The following SOX6 variants were observed in gnomAD, a reference collection of about 807,000 sequenced individuals.
SOX6 encodes the protein SRY-box transcription factor 6.
SOX6 carries 11 observed loss-of-function variants against 97.8 expected under a neutral mutation model. The ratio of observed to expected loss-of-function variants is 0.11; its 90% CI spans 0.07 to 0.19. The LOEUF is 0.19. Among genes scored for constraint, SOX6 ranks in the 10% least tolerant of loss-of-function variants. The pLI is 1.00. For missense variants in SOX6, 810 were observed against 1,039.5 expected (o/e 0.78, Z 3.04); for synonymous variants, 360 against 371.4 (o/e 0.97, Z 0.35).
chr11:16,685,715 G>C lies in SOX6; in HGVS notation n.429+29115C>G, dbSNP rs147906267. 4.1e-3 allele frequency among the ~76,000 whole-genome samples: 619 copies of C among 152,382 alleles called. 3 individuals are homozygous for C. The highest frequency in any genetic ancestry group is 5.6e-3 in the Admixed American group (85 of 15,310). ...AGCTGTCAGTGGATCTGTCATTCTT[G>C]GGTCTGCAGAATAGTGGCCTCACAG... On this transcript the variant is annotated intron_variant and non_coding_transcript_variant, in intron 3 of 5. Coordinates refer to the SOX6 transcript ENST00000524520.
At chr11:16,009,745 A>T (rs553253524) in intron 13 of SOX6, among the ~76,000 whole-genome samples, 1 of 152,162 alleles carries the variant, frequency 6.6e-6, no homozygotes, top group South Asian at 2.1e-4. Flanking sequence ...AAGAGTTGCA[A>T]TGTGAAGCAC....
At chr11:16,123,561 G>A (rs1020482291) in intron 6 of SOX6, among the ~76,000 whole-genome samples, 1 of 151,914 alleles carries the variant, frequency 6.6e-6, no homozygotes, top group Non-Finnish European at 1.5e-5. Flanking sequence ...TAGTCTTCAG[G>A]TTTTCAATCT....
intron 1 of SOX6, among the ~76,000 whole-genome samples, chr11:16,449,942 T>C (rs1442285439): frequency 6.6e-6 from 1 of 152,194 alleles, no homozygotes; most frequent in Non-Finnish European, 1.5e-5. Context: ...CTAAATACTA[T>C]AGCACTATCA....
intron 12 of SOX6, 112 bp from the exon 13 acceptor site, chr11:16,015,162 GACC>G: frequency 1.2e-6 from 1 of 862,670 alleles, no homozygotes; most frequent in Non-Finnish European, 1.9e-6. Flanking sequence ...TATCATTTCT[GACC>G]AATGTGGACT....
intron 3 of SOX6, among the ~76,000 whole-genome samples, chr11:16,693,668 G>T (rs1047194742): frequency 9.9e-5 from 15 of 151,984 alleles, no homozygotes; most frequent in Admixed American, 8.5e-4. Context: ...CATAATAAAA[G>T]TTAACTTTAT....
At chr11:16,628,434 G>A (rs1848655952) in intron 3 of SOX6, among the ~76,000 whole-genome samples, 1 of 152,024 alleles carries the variant, frequency 6.6e-6, no homozygotes, top group African/African-American at 2.4e-5. Context: ...GACCAGCCTG[G>A]CCAATATGGT....
chr11:16,572,513 CTG>C (rs1316820285), intron 4 of SOX6, among the ~76,000 whole-genome samples: 3 of 152,272 alleles, frequency 2.0e-5, no homozygotes, highest in Non-Finnish European at 4.4e-5. Context: ...AAAGACAACA[CTG>C]TAATTTGATT....
chr11:16,576,503 ATGT>A (rs1284397666), intron 4 of SOX6, among the ~76,000 whole-genome samples: 1 of 152,208 alleles, frequency 6.6e-6, no homozygotes, highest in Non-Finnish European at 1.5e-5. Flanking sequence ...TCATAAAATA[ATGT>A]TGTCATTGTA....
At chr11:16,715,639 A>C (rs1247807048) in intron 2 of SOX6, among the ~76,000 whole-genome samples, 1 of 152,118 alleles carries the variant, frequency 6.6e-6, no homozygotes, top group Non-Finnish European at 1.5e-5. Context: ...GGAATAGATA[A>C]TAAACATTAA....
intron 2 of SOX6, among the ~76,000 whole-genome samples, chr11:16,730,046 A>C (rs1407437832): frequency 1.3e-5 from 2 of 149,498 alleles, no homozygotes; most frequent in African/African-American, 2.4e-5. Flanking sequence ...ATATATATAT[A>C]TATCCTAAAT....
Position 15,972,767 on chromosome 11 carries a change from G to A in SOX6, c.*42C>T. ...TTAATAACTCTTTGTTGGGGAGGGG[G>A]GTGAAATGTCAGAGTACTTTAATTC... On this transcript the variant is annotated 3_prime_UTR_variant, in exon 16 of 16. Transcript: ENST00000683767. 2 of 1,603,916 alleles carry A rather than the reference G, an allele frequency of 1.2e-6. No individual in the cohort carries two copies. The highest frequency in any genetic ancestry group is 1.7e-6 in the Non-Finnish European group (2 of 1,171,034).
intron 9 of SOX6, among the ~76,000 whole-genome samples, chr11:16,058,620 T>C (rs998309283): frequency 6.6e-6 from 1 of 152,046 alleles, no homozygotes; most frequent in African/African-American, 2.4e-5. Flanking sequence ...CTTGGAGAGA[T>C]GTCTTCAAAT....
rs147950925 is a variant in SOX6 at position 16,398,433 on chromosome 11, C to T, written c.-4-57181G>A. ...ATGTGAATAAGCAAGTCCTATTCATCGTACCGGGTGTGGGGCAGAGTAGTA... is the reference window on the plus strand; with the variant it reads ...ATGTGAATAAGCAAGTCCTATTCATTGTACCGGGTGTGGGGCAGAGTAGTA... On this transcript the variant is annotated intron_variant, in intron 1 of 15. Transcript: ENST00000396356. Among the ~76,000 whole-genome samples the T allele has an allele frequency of 9.2e-4, 139 of 151,490 alleles. 2 individuals are homozygous for T. The East Asian group carries it at 0.019, about 21-fold the overall frequency.
intron 4 of SOX6, among the ~76,000 whole-genome samples, chr11:16,553,171 A>G (rs1355538775): frequency 2.0e-5 from 3 of 152,190 alleles, no homozygotes; most frequent in Non-Finnish European, 4.4e-5. Context: ...GGGGCTTAGC[A>G]GAAGTTCTTG....
At chr11:16,458,268 G>A (rs1334317786) in intron 1 of SOX6, among the ~76,000 whole-genome samples, 1 of 151,968 alleles carries the variant, frequency 6.6e-6, no homozygotes. Flanking sequence ...GGAAACTAGG[G>A]ATGGGTAGAC....
At chr11:16,464,414 CAT>C (rs1859988997) in intron 1 of SOX6, among the ~76,000 whole-genome samples, 1 of 148,556 alleles carries the variant, frequency 6.7e-6, no homozygotes, top group Non-Finnish European at 1.5e-5. Context: ...CAACTCAGCA[CAT>C]AGCATACAGA....
At chr11:16,099,890 C>A (rs904724912) in intron 7 of SOX6, among the ~76,000 whole-genome samples, 1 of 151,638 alleles carries the variant, frequency 6.6e-6, no homozygotes, top group Non-Finnish European at 1.5e-5. Flanking sequence ...TGAATATAAT[C>A]TTTAGAAAGC....
chr11:16,017,884 C>A (rs1445334558), intron 12 of SOX6, among the ~76,000 whole-genome samples: 46 of 152,044 alleles, frequency 3.0e-4, no homozygotes, highest in Admixed American at 3.0e-3. Context: ...CAAAATACCT[C>A]AATGCTAATT....
At chr11:16,646,650 G>T (rs1849019331) in intron 3 of SOX6, among the ~76,000 whole-genome samples, 1 of 152,018 alleles carries the variant, frequency 6.6e-6, no homozygotes, top group African/African-American at 2.4e-5. Flanking sequence ...GAGTCCCACA[G>T]CCCATTGTAT....
Sources: allele counts gnomAD v4.1 joint callset (sites outside exome capture counted in the v4.1 genomes callset), GRCh38; gene constraint gnomAD v4.1.1; transcripts MANE v1.5; gene names NCBI Gene and HGNC (gene_info 2026-07-23, HGNC 2026-07-21).